OR3A2: variants seen among roughly 807,000 people sequenced by gnomAD.
OR3A2 encodes the protein olfactory receptor 3A2.
For synonymous variants in OR3A2, 126 were observed against 159.3 expected, an observed-to-expected ratio of 0.79 and a Z score of 1.57; for missense variants, 318 against 392.8, an observed-to-expected ratio of 0.81 and a Z score of 1.61.
rs1421091177 is a variant in OR3A2 at position 3,383,978 on chromosome 17, GAATA to G, written c.-274-83_-274-80del. On this transcript the variant is annotated intron_variant, in intron 1 of 4. Transcript: ENST00000573491. ...TAAATATTGTATACAAATATTTATT[GAATA>G]AATATTGTATACAATATTTATTGAA... is the stretch of plus-strand genomic sequence containing the variant. 18 of 42,536 alleles carry G rather than the reference GAATA, an allele frequency of 4.2e-4. 1 individual carries two copies. In the South Asian group the frequency reaches 5.2e-3, roughly 12 times the overall value. The allele number at this position is 42,536 out of a possible 1,614,324, so 2.6% of individuals were successfully genotyped here.
chr17:3,383,793 T>C (rs1394844776), intron 2 of OR3A2: 1 of 152,126 alleles, frequency 6.6e-6, no homozygotes, highest in Non-Finnish European at 1.5e-5. Context: ...AAATGTTATA[T>C]ATCTGGTTAC....
intron 2 of OR3A2, among the ~76,000 whole-genome samples, chr17:3,347,370 A>C (rs911741409): frequency 6.6e-6 from 1 of 152,036 alleles, no homozygotes; most frequent in African/African-American, 2.4e-5. Context: ...CATTAGGTAT[A>C]TCTCCCAATG....
At chr17:3,315,674 C>T (rs544536272) in intron 3 of OR3A2, among the ~76,000 whole-genome samples, 18 of 149,398 alleles carry the variant, frequency 1.2e-4, no homozygotes, top group African/African-American at 2.0e-4. Context: ...TTTTGCTATG[C>T]GGATCTTTAA....
rs549328277 is a variant in OR3A2, at chr17:3,348,525, C to T, written c.-178-12399G>A. On this transcript the variant is annotated intron_variant, in intron 2 of 4. Transcript: ENST00000573491. ...AGCAAAGCCTCCAAGAAATATGGGA[C>T]TATGTGAAAAGACAAAATCTACATC... Among the ~76,000 whole-genome samples, 6 of 152,196 alleles carry T rather than the reference C, an allele frequency of 3.9e-5. No individual in the cohort carries two copies. In the South Asian group the frequency reaches 1.0e-3, roughly 26 times the overall value.
chr17:3,347,109 C>T (rs1369408515), intron 2 of OR3A2, among the ~76,000 whole-genome samples: 1 of 152,126 alleles, frequency 6.6e-6, no homozygotes, highest in Non-Finnish European at 1.5e-5. Flanking sequence ...ATTGAGGAAC[C>T]TCCAAGCTGT....
intron 3 of OR3A2, among the ~76,000 whole-genome samples, chr17:3,322,931 A>G (rs9886460): frequency 6.6e-6 from 1 of 151,890 alleles, no homozygotes; most frequent in African/African-American, 2.4e-5. Flanking sequence ...CATCCTTGTT[A>G]ACTTTGTCTC....
intron 3 of OR3A2, among the ~76,000 whole-genome samples, chr17:3,333,908 G>GA (rs975132534): frequency 3.9e-4 from 59 of 151,680 alleles, no homozygotes; most frequent in Non-Finnish European, 6.0e-4. Context: ...AAATTTACAA[G>GA]AAAAAAACAA....
chr17:3,380,281 G>A (rs890129196), intron 2 of OR3A2, among the ~76,000 whole-genome samples: 11 of 152,192 alleles, frequency 7.2e-5, no homozygotes, highest in Admixed American at 5.9e-4. Flanking sequence ...AGCAATACAC[G>A]AGAACGACCT....
intron 3 of OR3A2, chr17:3,292,094 A>G: frequency 6.2e-7 from 1 of 1,614,232 alleles, no homozygotes; most frequent in Non-Finnish European, 8.5e-7. Context: ...ACATGGCCAC[A>G]GTGTGGGTCA....
intron 3 of OR3A2, among the ~76,000 whole-genome samples, chr17:3,320,277 A>G (rs2049109862): frequency 1.3e-5 from 2 of 151,434 alleles, no homozygotes; most frequent in South Asian, 2.1e-4. Context: ...TCTGGATATT[A>G]GCCCTTTGTC....
intron 2 of OR3A2, among the ~76,000 whole-genome samples, chr17:3,370,837 C>T (rs1188555749): frequency 6.6e-6 from 1 of 151,738 alleles, no homozygotes; most frequent in Non-Finnish European, 1.5e-5. Context: ...TCTTAACGAG[C>T]ATGCTGCCTT....
At chr17:3,368,823 T>C (rs913898415) in intron 2 of OR3A2, among the ~76,000 whole-genome samples, 1 of 152,194 alleles carries the variant, frequency 6.6e-6, no homozygotes, top group Non-Finnish European at 1.5e-5. Flanking sequence ...AGATTGCTTT[T>C]AGTGGTATGG....
chr17:3,298,411 T>C (rs1472177440), intron 3 of OR3A2: 2 of 152,176 alleles, frequency 1.3e-5, no homozygotes, highest in African/African-American at 2.4e-5. Context: ...TACAACCCTC[T>C]GTTGTAGGAA....
rs552033703 is a variant in OR3A2, at chr17:3,323,165, T to G, written c.-85+12868A>C. Among the ~76,000 whole-genome samples, 7 of 152,282 alleles carry G rather than the reference T, an allele frequency of 4.6e-5. No homozygotes were observed. In the South Asian group the frequency reaches 1.2e-3, roughly 27 times the overall value. On this transcript the variant is annotated intron_variant, in intron 3 of 4. Coordinates refer to the OR3A2 transcript ENST00000573491. ...TGATCTTTGTTGGTTTAAAGTCTGT[T>G]TTATCAGAGACTAGAATTGCAACCC...
At chr17:3,353,458 A>C (rs895759721) in intron 2 of OR3A2, among the ~76,000 whole-genome samples, 1 of 151,864 alleles carries the variant, frequency 6.6e-6, no homozygotes, top group African/African-American at 2.4e-5. Flanking sequence ...AAAGGCTTTC[A>C]GTTTTTCCTA....
chr17:3,342,076 T>C (rs927339421), intron 2 of OR3A2, among the ~76,000 whole-genome samples: 8 of 151,754 alleles, frequency 5.3e-5, no homozygotes, highest in Admixed American at 3.3e-4. Context: ...AGCTTGTGCA[T>C]GCGTCACGTA....
chr17:3,280,204 G>A (rs1251744699), intron 1 of OR3A2, among the ~76,000 whole-genome samples: 1 of 151,988 alleles, frequency 6.6e-6, no homozygotes, highest in Non-Finnish European at 1.5e-5. Context: ...GTTGACCAAT[G>A]GCTCTAATGA....
intron 2 of OR3A2, among the ~76,000 whole-genome samples, chr17:3,379,883 G>C (rs2049718288): frequency 6.6e-6 from 1 of 152,152 alleles, no homozygotes; most frequent in South Asian, 2.1e-4. Context: ...CCTCAGTTCT[G>C]GCTTCCCACA....
chr17:3,351,882 A>G (rs368888908), intron 2 of OR3A2, among the ~76,000 whole-genome samples: 32 of 152,138 alleles, frequency 2.1e-4, no homozygotes, highest in African/African-American at 5.3e-4. Flanking sequence ...AACACCGCAT[A>G]TCTACAACTA....
Sources: allele counts gnomAD v4.1 joint callset (sites outside exome capture counted in the v4.1 genomes callset), GRCh38; gene constraint gnomAD v4.1.1; transcripts MANE v1.5; gene names NCBI Gene and HGNC (gene_info 2026-07-23, HGNC 2026-07-21).